The following BOD1L1 variants were observed in gnomAD, a reference collection of about 807,000 sequenced individuals.
The protein encoded by BOD1L1 is biorientation of chromosomes in cell division 1 like 1, also known as biorientation of chromosomes in cell division protein 1-like 1.
Under a neutral mutation model 240.7 loss-of-function variants are expected in BOD1L1, and 86 were observed. That is an observed-to-expected ratio of 0.36 (90% CI 0.30 to 0.43). The LOEUF is 0.43. Ranked by LOEUF, BOD1L1 falls within the 20% of genes least tolerant of loss-of-function variation. The pLI is 1.00. For missense variants in BOD1L1, 3,554 were observed against 3,643.5 expected (o/e 0.98, Z 0.63); for synonymous variants, 1,268 against 1,272.3 (o/e 1.00, Z 0.07).
At position 13,604,298 on chromosome 4, in the gene BOD1L1, T is replaced by C. The variant is rs756533835; in HGVS notation, c.2602A>G (p.Ser868Gly). ...CACTTATCTTCCGAATAACTTTCAC[T>C]TCTTCTCTGTAATGTGATACCATGT... ...KQHGITLQRR[S>G]ESYSEDKCDM... is the part of the protein sequence containing the mutation. The change falls in exon 10 of 26, where the codon AGT becomes GGT. Residue 868 changes from serine to glycine, a missense_variant. By Grantham distance (56) the Ser-to-Gly change is moderately conservative. Around this residue, in one of 2 missense-constraint regions of BOD1L1, gnomAD observed 3,393 missense variants for 3,427.1 expected, o/e 0.99. Coordinates refer to ENST00000040738, the MANE Select transcript of BOD1L1 (RefSeq NM_148894.3). The C allele has an allele frequency of 2.7e-5, 43 of 1,604,920 alleles. No individual in the cohort carries two copies. In the Middle Eastern group the frequency reaches 5.0e-4, roughly 19 times the overall value.
chr4:13,602,740 C>T lies in BOD1L1; in HGVS notation c.4160G>A (p.Gly1387Glu). The T allele has an allele frequency of 6.2e-7, 1 of 1,614,022 alleles. No homozygotes were observed. The highest frequency in any genetic ancestry group is 8.5e-7 in the Non-Finnish European group (1 of 1,179,898). ...GKQGKVIMPLGSKLTGVIVEN... is the reference protein window; with the variant it reads ...GKQGKVIMPLESKLTGVIVEN... ...CACAATCACGCCCGTTAACTTACTTCCAAGAGGCATGATTACCTTTCCTTG... is the reference window on the plus strand; with the variant it reads ...CACAATCACGCCCGTTAACTTACTTTCAAGAGGCATGATTACCTTTCCTTG... The change falls in exon 10 of 26, where the codon GGA (glycine) becomes GAA (glutamate). Residue 1387 changes from glycine (G) to glutamate (E), a missense_variant. By Grantham distance (98) the Gly-to-Glu change is moderately conservative. This residue lies in a region of BOD1L1 where 3,393 missense variants were observed against 3,427.1 expected (regional missense o/e 0.99). Coordinates refer to ENST00000040738, the MANE Select transcript of BOD1L1 (RefSeq NM_148894.3).
At chr4:13,598,582 G>A (rs1714806163) in intron 10 of BOD1L1, among the ~76,000 whole-genome samples, 1 of 152,110 alleles carries the variant, frequency 6.6e-6, no homozygotes, top group Admixed American at 6.5e-5. Flanking sequence ...CTTTCATTGG[G>A]TTGTGGTAGG....
rs1209654513 is a variant in BOD1L1, at chr4:13,602,971, A to G, written c.3929T>C (p.Leu1310Ser). Residue 1310 changes from leucine (L) to serine (S), a missense_variant, in exon 10 of 26, where the codon TTG becomes TCG. By Grantham distance (145) the Leu-to-Ser change is moderately radical. Around this residue, in one of 2 missense-constraint regions of BOD1L1, gnomAD observed 3,393 missense variants for 3,427.1 expected, o/e 0.99. Coordinates refer to ENST00000040738, the MANE Select transcript of BOD1L1 (RefSeq NM_148894.3). The stretch of plus-strand genomic sequence containing the variant: ...GGAGGTGCTGGCTGTGCTACCTTCC[A>G]AAACAGTTCTTTTGTCAAACAGAGG... ...VIPLFDKRTV[L>S]EGSTASTSPA... is the part of the protein sequence containing the mutation. 4 of 1,613,880 alleles carry G rather than the reference A, an allele frequency of 2.5e-6. No individual in the cohort carries two copies. Among genetic ancestry groups the G allele is most frequent in the Non-Finnish European group, 3.4e-6 (4 of 1,179,906 alleles).
rs1025547246 is a variant in BOD1L1, at chr4:13,609,467, G to A, written c.1492-61C>T. 18 of 1,140,786 alleles carry A rather than the reference G, an allele frequency of 1.6e-5. No individual in the cohort carries two copies. In the East Asian group the frequency reaches 4.6e-4, roughly 29 times the overall value. The allele number at this position is 1,140,786 out of a possible 1,614,324, so 70.7% of individuals were successfully genotyped here. A position where few individuals can be genotyped will look rare whatever the true frequency, so the allele number is the denominator to read the frequency against. On this transcript the variant is annotated intron_variant, in intron 6 of 25. Coordinates refer to ENST00000040738, the MANE Select transcript of BOD1L1 (RefSeq NM_148894.3). ...AAAGGCAAAAACACACTGAAAAATT[G>A]TATTTTTTTTAAAGTTTTAGTTTAC...
chr4:13,591,101 T>C (rs1714170932), intron 13 of BOD1L1, among the ~76,000 whole-genome samples: 2 of 152,146 alleles, frequency 1.3e-5, no homozygotes, highest in South Asian at 2.1e-4. Flanking sequence ...TAAAAAATTA[T>C]GCTATGTTGC....
chr4:13,571,893 A>G (rs1712234272), intron 25 of BOD1L1, among the ~76,000 whole-genome samples: 1 of 152,230 alleles, frequency 6.6e-6, no homozygotes, highest in African/African-American at 2.4e-5. Flanking sequence ...ACTGCCTGGC[A>G]CTATAGTTTG....
chr4:13,602,944 G>T lies in BOD1L1; in HGVS notation c.3956C>A (p.Pro1319His), dbSNP rs768813293. ...GTTAGGGAGAGCAGAGTGATCCGCA[G>T]GGGAGGTGCTGGCTGTGCTACCTTC... ...VLEGSTASTS[P>H]ADHSALPNQS... The change falls in exon 10 of 26, where the codon CCT (proline) becomes CAT (histidine). Residue 1319 changes from proline (P) to histidine (H), a missense_variant. By Grantham distance (77) the Pro-to-His change is moderately conservative. Transcript: ENST00000040738. The T allele has an allele frequency of 6.2e-7, 1 of 1,614,002 alleles. No individual in the cohort carries two copies.
chr4:13,611,980 T>C (rs1398619124), intron 5 of BOD1L1, among the ~76,000 whole-genome samples: 1 of 152,164 alleles, frequency 6.6e-6, no homozygotes, highest in Non-Finnish European at 1.5e-5. Flanking sequence ...CCCATACATA[T>C]AAAATCTAGT....
At chr4:13,579,853 C>T (rs1307677971) in intron 22 of BOD1L1, 75 bp downstream of exon 22, 1 of 1,263,450 alleles carries the variant, frequency 7.9e-7, no homozygotes, top group Non-Finnish European at 1.1e-6. Context: ...AATGGAAGTT[C>T]CAAACCTTCT....
chr4:13,591,529 A>G (rs1157659622), intron 13 of BOD1L1, among the ~76,000 whole-genome samples: 1 of 152,248 alleles, frequency 6.6e-6, no homozygotes, highest in Non-Finnish European at 1.5e-5. Context: ...ACATCTGGGA[A>G]AAAATATGTA....
Position 13,599,966 on chromosome 4 carries a change from C to T in BOD1L1, c.6934G>A (p.Asp2312Asn), listed in dbSNP as rs1402991629. Residue 2312 changes from aspartate to asparagine, a missense_variant, in exon 10 of 26, where the codon GAT becomes AAT. Coordinates refer to ENST00000040738, the MANE Select transcript of BOD1L1 (RefSeq NM_148894.3). ...CTTGTGATGGTGAGCCGATCTTCAT[C>T]CTGGAGGACAGCACCAATCATGACT... ...EAVMIGAVLQ[D>N]EDRLTITRVE... The T allele has an allele frequency of 1.2e-6, 2 of 1,612,086 alleles. No individual in the cohort carries two copies. The highest frequency in any genetic ancestry group is 1.7e-6 in the Non-Finnish European group (2 of 1,178,960).
At chr4:13,585,877 C>T (rs1008389814) in intron 17 of BOD1L1, among the ~76,000 whole-genome samples, 1 of 152,156 alleles carries the variant, frequency 6.6e-6, no homozygotes, top group Non-Finnish European at 1.5e-5. Context: ...TTTGCTCCTC[C>T]TTTGCCTTCT....
In BOD1L1 at chr4:13,620,022, T is replaced by C; in HGVS notation, c.289A>G (p.Asn97Asp). ...LRQRVDNFVANHLATHTWSPH... is the reference protein window; with the variant it reads ...LRQRVDNFVADHLATHTWSPH... ...CTCCATGTGTGAGTTGCCAAGTGAT[T>C]TGCAACAAAGTTGTCAACACGCTGT... The change falls in exon 2 of 26, where the codon AAT becomes GAT. Residue 97 changes from asparagine to aspartate, a missense_variant. Coordinates refer to ENST00000040738, the MANE Select transcript of BOD1L1 (RefSeq NM_148894.3). 6.2e-7 allele frequency: 1 copy of C among 1,610,960 alleles called. No individual in the cohort carries two copies. The highest frequency in any genetic ancestry group is 1.1e-5 in the South Asian group (1 of 90,406).
chr4:13,604,167 C>T lies in BOD1L1; in HGVS notation c.2733G>A (p.Lys911=), dbSNP rs138209895. Residue 911 remains lysine, a synonymous_variant, in exon 10 of 26, where the codon AAG becomes AAA. Transcript: ENST00000040738. ...KSLLEEKLVL[K]SKSKTQGKQV... is the part of the protein sequence containing the mutation. ...GTTTGCCTTGAGTTTTTGATTTAGA[C>T]TTCAACACAAGTTTCTCTTCTAACA... The T allele has an allele frequency of 1.1e-4, 184 of 1,612,930 alleles. No homozygotes were observed. The highest frequency in any genetic ancestry group is 1.5e-4 in the Non-Finnish European group (180 of 1,179,726).
chr4:13,594,459 G>A (rs1342302074), intron 12 of BOD1L1, among the ~76,000 whole-genome samples: 1 of 152,108 alleles, frequency 6.6e-6, no homozygotes, highest in East Asian at 1.9e-4. Flanking sequence ...AGCCTCTCTG[G>A]GGAATTCCTG....
At chr4:13,592,858 C>T (rs975684987) in intron 12 of BOD1L1, 3 of 152,214 alleles carry the variant, frequency 2.0e-5, no homozygotes, top group Admixed American at 1.3e-4. Context: ...GCACTATTCA[C>T]TTAATCTGAA....
chr4:13,604,339 G>C lies in BOD1L1; in HGVS notation c.2561C>G (p.Ser854Cys), dbSNP rs1012513302. The C allele has an allele frequency of 1.9e-6, 3 of 1,580,906 alleles. No individual in the cohort carries two copies. Among genetic ancestry groups the C allele is most frequent in the Non-Finnish European group, 2.6e-6 (3 of 1,169,886 alleles). ...GATACCATGTTGCTTGGAACCCAGA[G>C]AATCTTTCTGAATTTTAGAATCACT... Reference protein sequence around the residue: ...RSSDSKIQKDSLGSKQHGITL... With the variant: ...RSSDSKIQKDCLGSKQHGITL... Residue 854 changes from serine to cysteine, a missense_variant, in exon 10 of 26, where the codon TCT becomes TGT. Transcript: ENST00000040738.
Position 13,600,742 on chromosome 4 carries a change from C to A in BOD1L1, c.6158G>T (p.Gly2053Val). 1 of 1,613,970 alleles carries A rather than the reference C, an allele frequency of 6.2e-7. No individual in the cohort carries two copies. The highest frequency in any genetic ancestry group is 8.5e-7 in the Non-Finnish European group (1 of 1,179,876). Residue 2053 changes from glycine (G) to valine (V), a missense_variant, in exon 10 of 26, where the codon GGT becomes GTT. By Grantham distance (109) the Gly-to-Val change is moderately radical. Coordinates refer to ENST00000040738, the MANE Select transcript of BOD1L1 (RefSeq NM_148894.3). ...TAAGCTATTCTGGTTGGTAATATCA[C>A]CACTGGCTGTAGTTGCCATGAGACC... is the stretch of plus-strand genomic sequence containing the variant. ...CDGLMATTASGDITNQNSLAG... is the reference protein window; with the variant it reads ...CDGLMATTASVDITNQNSLAG...
At chr4:13,577,810 T>G (rs1712890995) in intron 22 of BOD1L1, 179 bp from the exon 23 acceptor site, 1 of 441,648 alleles carries the variant, frequency 2.3e-6, no homozygotes, top group Non-Finnish European at 4.0e-6. Context: ...CACATTGGAT[T>G]GTGAGTCACG....
Sources: gnomAD v4.1 joint callset for allele counts (sites outside exome capture counted in the v4.1 genomes callset) on GRCh38, gnomAD v4.1.1 for gene constraint, gnomAD v4.1.1 regional missense constraint, MANE v1.5 for transcripts, NCBI Gene and HGNC (gene_info 2026-07-23, HGNC 2026-07-21) for gene names.